The following ABCC8 variants were observed in gnomAD, a reference collection of about 807,000 sequenced individuals.
The protein encoded by ABCC8 is ATP binding cassette subfamily C member 8.
A neutral mutation model predicts 188.0 loss-of-function variants in ABCC8; 137 were observed. The observed-to-expected ratio is 0.73, with a 90% CI of 0.63 to 0.84. The LOEUF (loss-of-function observed/expected upper bound fraction) is 0.84, where lower values mean the gene tolerates loss of function less well. ABCC8 is among the 40% of genes least tolerant of loss of function. The probability of loss-of-function intolerance (pLI) is 0.00; values close to 1 mark genes in which losing one functional copy is unlikely to be tolerated. For missense variants in ABCC8, 1,750 were observed against 2,072.7 expected, an observed-to-expected ratio of 0.84 and a Z score of 3.02; for synonymous variants, 797 against 846.5, an observed-to-expected ratio of 0.94 and a Z score of 1.01.
intron 10 of ABCC8, chr11:17,436,028 T>C (rs1956080923): frequency 2.4e-6 from 3 of 1,243,168 alleles, no homozygotes; most frequent in Admixed American, 3.4e-5. Context: ...TGGGGAGATA[T>C]GGGACAGTTT....
chr11:17,393,824 G>A, intron 37 of ABCC8, 65 bp from the exon 38 acceptor site: 1 of 1,613,850 alleles, frequency 6.2e-7, no homozygotes, highest in Non-Finnish European at 8.5e-7. Context: ...CCTGGCTTGG[G>A]GGATGTGGAG....
chr11:17,443,468 G>T, intron 8 of ABCC8, 156 bp from the exon 9 acceptor site: 1 of 1,241,092 alleles, frequency 8.1e-7, no homozygotes, highest in Non-Finnish European at 1.1e-6. Flanking sequence ...AGGGAAGGAG[G>T]AGAAACAAAG....
chr11:17,396,854 G>C, intron 33 of ABCC8, 62 bp downstream of exon 33: 1 of 1,598,396 alleles, frequency 6.3e-7, no homozygotes. Flanking sequence ...ATCCAGCTCC[G>C]TGCATGCCCC....
At chr11:17,462,533 C>A (rs1847889892) in intron 4 of ABCC8, among the ~76,000 whole-genome samples, 1 of 152,192 alleles carries the variant, frequency 6.6e-6, no homozygotes, top group Non-Finnish European at 1.5e-5. Context: ...TTTGACCCAG[C>A]AACGCCATTC....
chr11:17,458,489 C>G (rs1957074635), intron 6 of ABCC8, among the ~76,000 whole-genome samples: 1 of 152,020 alleles, frequency 6.6e-6, no homozygotes, highest in Admixed American at 6.6e-5. Flanking sequence ...GTGGTGTGGA[C>G]ACTCTGATAA....
At chr11:17,408,860 C>T (rs1309094542) in intron 22 of ABCC8, among the ~76,000 whole-genome samples, 1 of 152,120 alleles carries the variant, frequency 6.6e-6, no homozygotes, top group Admixed American at 6.5e-5. Flanking sequence ...CTTAGCTCCT[C>T]TTGACGGCGG....
chr11:17,442,889 G>C lies in ABCC8; in HGVS notation c.1468-7C>G, dbSNP rs1415530607. On this transcript the variant is annotated splice_region_variant and splice_polypyrimidine_tract_variant and intron_variant, in intron 9 of 38. Coordinates refer to ENST00000389817, the MANE Select transcript of ABCC8 (RefSeq NM_000352.6). ...GCCGCTCATTGGAATACTCCTGCAGGGGTCCCCGAGTCAGAGGGGAGAGGC... is the reference window on the plus strand; with the variant it reads ...GCCGCTCATTGGAATACTCCTGCAGCGGTCCCCGAGTCAGAGGGGAGAGGC... The C allele has an allele frequency of 6.2e-7, 1 of 1,611,154 alleles. No homozygotes were observed. The highest frequency in any genetic ancestry group is 8.5e-7 in the Non-Finnish European group (1 of 1,180,004).
chr11:17,475,559 A>T (rs1848716749), intron 1 of ABCC8, among the ~76,000 whole-genome samples: 1 of 152,188 alleles, frequency 6.6e-6, no homozygotes, highest in African/African-American at 2.4e-5. Context: ...TTCTTGTGTG[A>T]CAAGTCATCA....
intron 16 of ABCC8, among the ~76,000 whole-genome samples, chr11:17,420,044 C>T (rs1195307761): frequency 2.6e-5 from 4 of 152,104 alleles, no homozygotes; most frequent in African/African-American, 7.2e-5. Context: ...GTGCTTGGCC[C>T]CAAAAGTACA....
Position 17,406,673 on chromosome 11 carries a change from G to C in ABCC8, c.3278C>G (p.Ala1093Gly). ...VTVEWTGLKV[A>G]KRLHRSLLNR... ...TAGCAGGCTGCGGTGCAGTCTCTTG[G>C]CCACCTTCAGCCCTGTCCACTCCAC... is the stretch of plus-strand genomic sequence containing the variant. Residue 1093 changes from alanine to glycine, a missense_variant, in exon 26 of 39, where the codon GCC (alanine) becomes GGC (glycine). Transcript: ENST00000389817. The C allele has an allele frequency of 1.9e-6, 3 of 1,614,196 alleles. No individual in the cohort carries two copies. Among genetic ancestry groups the C allele is most frequent in the Non-Finnish European group, 2.5e-6 (3 of 1,180,040 alleles).
Position 17,404,708 on chromosome 11 carries a change from G to T in ABCC8, c.3400-39C>A. On this transcript the variant is annotated intron_variant, in intron 27 of 38. Transcript: ENST00000389817. This position sits in a 1 kb window ranked among gnomAD's most constrained non-coding sequence, Gnocchi z 4.7. ...GGGGGAGAGAGTGAGGTGAATTTTG[G>T]TATTGACTGTGTTTAGAGTGCTACT... 6.4e-7 allele frequency: 1 copy of T among 1,569,538 alleles called. No homozygotes were observed. The highest frequency in any genetic ancestry group is 8.6e-7 in the Non-Finnish European group (1 of 1,157,878).
chr11:17,463,294 C>A, intron 4 of ABCC8, 144 bp downstream of exon 4: 1 of 711,474 alleles, frequency 1.4e-6, no homozygotes, highest in Non-Finnish European at 2.4e-6. Context: ...CCGCCACGGC[C>A]CCACTCCCCT....
chr11:17,431,957 T>A (rs1449514653), intron 11 of ABCC8, among the ~76,000 whole-genome samples: 2 of 152,240 alleles, frequency 1.3e-5, no homozygotes, highest in Non-Finnish European at 2.9e-5. Flanking sequence ...AGCTATTTTT[T>A]AAAAGAAAGT....
intron 16 of ABCC8, among the ~76,000 whole-genome samples, chr11:17,423,758 T>G (rs988823479): frequency 7.2e-5 from 11 of 152,138 alleles, no homozygotes; most frequent in African/African-American, 2.4e-4. Flanking sequence ...GAGGCAGGTG[T>G]GTGTGAGTCA....
rs751908596 is a variant in ABCC8 at position 17,430,785 on chromosome 11, C to T, written c.1817+29G>A. 6 of 1,610,036 alleles carry T rather than the reference C, an allele frequency of 3.7e-6. No homozygotes were observed. In the East Asian group the frequency reaches 1.3e-4, roughly 36 times the overall value. On this transcript the variant is annotated intron_variant, in intron 12 of 38. Coordinates refer to ENST00000389817, the MANE Select transcript of ABCC8 (RefSeq NM_000352.6). Reference sequence around the variant, plus strand: ...GAGGCTGACACAGGACCTGCCTGCCCAGTGCCCTCGCCCGGACCCTCCCCT... The same window carrying T: ...GAGGCTGACACAGGACCTGCCTGCCTAGTGCCCTCGCCCGGACCCTCCCCT...
chr11:17,465,979 A>G (rs1344308333), intron 3 of ABCC8, among the ~76,000 whole-genome samples: 1 of 152,244 alleles, frequency 6.6e-6, no homozygotes, highest in African/African-American at 2.4e-5. Context: ...TGACAGACGA[A>G]TAGATAAACA....
chr11:17,396,930 C>A lies in ABCC8; in HGVS notation c.4105G>T (p.Ala1369Ser), dbSNP rs757110. 1,043,430 of 1,613,778 alleles carry A rather than the reference C, an allele frequency of 0.65. 341,651 individuals carry two copies. Among genetic ancestry groups the A allele is most frequent in the African/African-American group, 0.94 (70,456 of 75,002 alleles). ...PVLKHVNALI[A>S]PGQKIGICGR... ...CGTGCTCTGACCTTCTGTCCAGGGG[C>A]GATGAGGGCATTGACGTGCTTCAGC... The change falls in exon 33 of 39, where the codon GCC becomes TCC. Residue 1369 changes from alanine (A) to serine (S), a missense_variant. Ala to Ser is a moderately conservative substitution (Grantham distance 99, BLOSUM62 1). Transcript: ENST00000389817.
intron 10 of ABCC8, among the ~76,000 whole-genome samples, chr11:17,433,198 C>G (rs1227591013): frequency 1.3e-5 from 2 of 152,206 alleles, no homozygotes; most frequent in Non-Finnish European, 2.9e-5. Context: ...GCAGCCCCCC[C>G]ATGGCATAAG....
At chr11:17,430,421 G>T (rs912201259) in intron 12 of ABCC8, 4 of 347,728 alleles carry the variant, frequency 1.2e-5, no homozygotes, top group Non-Finnish European at 1.7e-5. Context: ...AGACACAGTG[G>T]ATGCCTTCTG....
Sources: gnomAD v4.1 joint callset for allele counts (sites outside exome capture counted in the v4.1 genomes callset) on GRCh38, gnomAD v4.1.1 for gene constraint, Gnocchi (gnomAD v3.1) non-coding constraint, MANE v1.5 for transcripts, NCBI Gene and HGNC (gene_info 2026-07-23, HGNC 2026-07-21) for gene names.